FILIP1: variants seen among roughly 807,000 people sequenced by gnomAD.
FILIP1 encodes filamin-A-interacting protein 1.
Under a neutral mutation model 102.1 loss-of-function variants are expected in FILIP1, and 61 were observed. That is an observed-to-expected ratio of 0.60 (90% CI 0.49 to 0.74). FILIP1 has a LOEUF of 0.74. Among genes scored for constraint, FILIP1 ranks in the 30% least tolerant of loss-of-function variants. The pLI is 0.00. For missense variants in FILIP1, 1,314 were observed against 1,441.2 expected (o/e 0.91, Z 1.43); for synonymous variants, 491 against 526.9 (o/e 0.93, Z 0.93).
At chr6:75,365,544 G>C (rs555517470) in intron 2 of FILIP1, among the ~76,000 whole-genome samples, 1 of 151,958 alleles carries the variant, frequency 6.6e-6, no homozygotes, top group Admixed American at 6.6e-5. Flanking sequence ...ATGCCGCCTC[G>C]CCTGGCTAAT....
In FILIP1 at chr6:75,314,517, C is replaced by T. The variant is rs1325850926; in HGVS notation, c.1315G>A (p.Glu439Lys). 1 of 1,613,040 alleles carries T rather than the reference C, an allele frequency of 6.2e-7. No individual in the cohort carries two copies. Among genetic ancestry groups the T allele is most frequent in the East Asian group, 2.2e-5 (1 of 44,860 alleles). The change falls in exon 5 of 6, where the codon GAA becomes AAA. Residue 439 changes from glutamate (E) to lysine (K), a missense_variant. Physicochemically the swap from Glu to Lys is moderately conservative, Grantham distance 56. Transcript: ENST00000237172. ...GATTTACTCTTGCTAAATGCTTCTT[C>T]CAATTTCTCTAGTTCAGACATTCTC... is the stretch of plus-strand genomic sequence containing the variant. ...QKRMSELEKL[E>K]EAFSKSKSEC...
chr6:75,382,580 G>T (rs1275597550), intron 2 of FILIP1, among the ~76,000 whole-genome samples: 1 of 152,168 alleles, frequency 6.6e-6, no homozygotes, highest in Non-Finnish European at 1.5e-5. Flanking sequence ...AAGAGACAGG[G>T]TACCATATCT....
At chr6:75,304,736 T>C (rs1772933397), downstream of FILIP1, among the ~76,000 whole-genome samples, 1 of 152,196 alleles carries the variant, frequency 6.6e-6, no homozygotes, top group Admixed American at 6.5e-5. Context: ...GCACTTTAGT[T>C]AGAAATATGG....
chr6:75,346,056 C>T (rs910368470), intron 4 of FILIP1, among the ~76,000 whole-genome samples: 1 of 152,116 alleles, frequency 6.6e-6, no homozygotes, highest in African/African-American at 2.4e-5. Context: ...TGTAGTAAAA[C>T]GTGATCAGAA....
At chr6:75,484,411 TTTAAAGTA>T (rs1779727240) in intron 1 of FILIP1, among the ~76,000 whole-genome samples, 2 of 4,000 alleles carry the variant, frequency 5.0e-4, no homozygotes, top group African/African-American at 6.9e-4. Context: ...TTAAAGTACT[TTTAAAGTA>T]CTGTCTTTTA....
intron 2 of FILIP1, among the ~76,000 whole-genome samples, chr6:75,413,749 A>C (rs1170501265): frequency 6.6e-6 from 1 of 151,956 alleles, no homozygotes; most frequent in Non-Finnish European, 1.5e-5. Context: ...CAAAAATGAA[A>C]ACAGTAGCTC....
At chr6:75,400,871 G>A (rs1459145671) in intron 2 of FILIP1, among the ~76,000 whole-genome samples, 1 of 152,034 alleles carries the variant, frequency 6.6e-6, no homozygotes, top group Non-Finnish European at 1.5e-5. Context: ...TTTTTGTTGT[G>A]GAAAGAAGTT....
At chr6:75,364,810 C>T (rs1260351522) in intron 2 of FILIP1, among the ~76,000 whole-genome samples, 1 of 152,176 alleles carries the variant, frequency 6.6e-6, no homozygotes, top group African/African-American at 2.4e-5. Flanking sequence ...CCAAAGTAAA[C>T]TTTCTTACTT....
downstream of FILIP1, among the ~76,000 whole-genome samples, chr6:75,305,518 A>T (rs1772962151): frequency 6.6e-6 from 1 of 152,190 alleles, no homozygotes; most frequent in African/African-American, 2.4e-5. Context: ...CCACCCATCA[A>T]CCAGTCCTCA....
intron 4 of FILIP1, among the ~76,000 whole-genome samples, chr6:75,330,191 G>A (rs1183416055): frequency 6.6e-6 from 1 of 152,068 alleles, no homozygotes; most frequent in East Asian, 1.9e-4. Context: ...TGATTACTGA[G>A]TTTTTTGGCA....
intron 1 of FILIP1, among the ~76,000 whole-genome samples, chr6:75,436,249 G>A (rs1345688110): frequency 6.6e-6 from 1 of 152,038 alleles, no homozygotes; most frequent in Non-Finnish European, 1.5e-5. Flanking sequence ...GCATGTGCCT[G>A]TAATCCCAGC....
chr6:75,320,586 A>G (rs142245455), intron 4 of FILIP1, among the ~76,000 whole-genome samples: 72 of 152,286 alleles, frequency 4.7e-4, no homozygotes, highest in Middle Eastern at 3.4e-3. Context: ...CAAAAAAAAG[A>G]AAAAAAGAAA....
chr6:75,336,185 C>T (rs927119722), intron 4 of FILIP1, among the ~76,000 whole-genome samples: 29 of 152,164 alleles, frequency 1.9e-4, no homozygotes, highest in African/African-American at 7.0e-4. Context: ...CAAGGCTGCA[C>T]TAGTGCTGGG....
At chr6:75,392,568 T>C (rs190567136) in intron 2 of FILIP1, among the ~76,000 whole-genome samples, 2 of 152,282 alleles carry the variant, frequency 1.3e-5, no homozygotes, top group African/African-American at 4.8e-5. Context: ...CTTTCTCACA[T>C]ATCCCACATT....
chr6:75,317,619 G>A (rs1430173696), intron 4 of FILIP1, among the ~76,000 whole-genome samples: 1 of 152,164 alleles, frequency 6.6e-6, no homozygotes, highest in Non-Finnish European at 1.5e-5. Flanking sequence ...GAAATTCCAT[G>A]AGCTAGAGCG....
chr6:75,319,940 G>T, intron 4 of FILIP1: 2 of 439,754 alleles, frequency 4.5e-6, no homozygotes, highest in South Asian at 2.8e-5. Flanking sequence ...TGCATATCAT[G>T]ACATTTTGCC....
chr6:75,423,619 C>T (rs553182164), intron 1 of FILIP1, among the ~76,000 whole-genome samples: 1 of 152,236 alleles, frequency 6.6e-6, no homozygotes, highest in South Asian at 2.1e-4. Flanking sequence ...CTGCAGCTGG[C>T]CTTGGTCAAG....
intron 1 of FILIP1, among the ~76,000 whole-genome samples, chr6:75,444,106 C>T (rs1475233353): frequency 6.6e-6 from 1 of 152,140 alleles, no homozygotes; most frequent in African/African-American, 2.4e-5. Context: ...GATGGTCAAT[C>T]CAATTTTACA....
intron 1 of FILIP1, among the ~76,000 whole-genome samples, chr6:75,483,480 G>A (rs763068347): frequency 3.9e-5 from 6 of 152,154 alleles, no homozygotes; most frequent in Non-Finnish European, 8.8e-5. Context: ...AATGTCTGGG[G>A]TAAAGTACAT....
Sources: allele counts gnomAD v4.1 joint callset (sites outside exome capture counted in the v4.1 genomes callset), GRCh38; gene constraint gnomAD v4.1.1; transcripts MANE v1.5; gene names NCBI Gene and HGNC (gene_info 2026-07-23, HGNC 2026-07-21).